IAH1: variants seen among roughly 807,000 people sequenced by gnomAD.
IAH1 encodes isoamyl acetate-hydrolyzing esterase 1 homolog.
A neutral mutation model predicts 26.7 loss-of-function variants in IAH1; 24 were observed. The ratio of observed to expected loss-of-function variants is 0.90; its 90% CI spans 0.65 to 1.26. The LOEUF (loss-of-function observed/expected upper bound fraction) is 1.26, where lower values mean the gene tolerates loss of function less well. Among genes scored for constraint, IAH1 ranks in the 50% most tolerant of loss-of-function variants. The pLI is 0.00. For missense variants in IAH1, 300 were observed against 299.9 expected (o/e 1.00, Z 0.00); for synonymous variants, 140 against 118.5 (o/e 1.18, Z -1.18).
rs988121316 is a variant in IAH1 at position 9,489,464 on chromosome 2, C to T, written c.*1135C>T. On this transcript the variant is annotated 3_prime_UTR_variant, in exon 6 of 6. Transcript: ENST00000497473. ...ACTTATAAAATACAGAAAAACTGCCCAGCAAATCAGGGCCCTAAACAGTTG... is the reference window on the plus strand; with the variant it reads ...ACTTATAAAATACAGAAAAACTGCCTAGCAAATCAGGGCCCTAAACAGTTG... 22 of 151,854 alleles carry T rather than the reference C, an allele frequency of 1.4e-4. No homozygotes were observed. The highest frequency in any genetic ancestry group is 5.3e-4 in the African/African-American group (22 of 41,330). 9.4% of individuals were successfully genotyped at this position (151,854 alleles called of 1,614,324 possible). A position where few individuals can be genotyped will look rare whatever the true frequency, so the allele number is the denominator to read the frequency against.
Position 9,488,301 on chromosome 2 carries a change from TAAGTCTGCTGGGAGATGG to T in IAH1, c.721_738del (p.Ser241_Gly246del), listed in dbSNP as rs1661747971. 6.2e-7 allele frequency: 1 copy of T among 1,610,368 alleles called. No individual in the cohort carries two copies. Among genetic ancestry groups the T allele is most frequent in the Admixed American group, 1.7e-5 (1 of 58,872 alleles). ...GATGTAGCAGAAGCAAAACCTGAAT[TAAGTCTGCTGGGAGATGG>T]AGACCATTAGCCAATCACAGGAGAC... On this transcript the variant is annotated inframe_deletion, in exon 6 of 6. Coordinates refer to ENST00000497473, the MANE Select transcript of IAH1 (RefSeq NM_001039613.3).
downstream of IAH1, chr2:9,497,133 C>T: frequency 6.2e-7 from 1 of 1,614,106 alleles, no homozygotes. Context: ...CACAGGACTC[C>T]AGCTGCTGTT....
intron 5 of IAH1, chr2:9,486,307 C>T (rs541337420): frequency 6.6e-6 from 1 of 152,246 alleles, no homozygotes; most frequent in East Asian, 1.9e-4. Context: ...TAGGAGGGGC[C>T]TTGGCAGCTT....
chr2:9,505,506 C>T, the IAH1 span: 3 of 784,634 alleles, frequency 3.8e-6, no homozygotes, highest in Non-Finnish European at 6.2e-6. Flanking sequence ...AAGGCCACCA[C>T]AGTCTCCTCC....
chr2:9,509,342 C>T, the IAH1 span, among the ~76,000 whole-genome samples: 3 of 152,216 alleles, frequency 2.0e-5, no homozygotes, highest in Admixed American at 6.5e-5. Flanking sequence ...GAGTTAGTCA[C>T]GGCACTCTTA....
Position 9,488,692 on chromosome 2 carries a change from A to G in IAH1, c.*363A>G, listed in dbSNP as rs1251. Reference sequence around the variant, plus strand: ...CCACTCAACCTTGTATCAAATTCCAAAAGTGTAACTAAAGTATAAGAATAT... The same window carrying G: ...CCACTCAACCTTGTATCAAATTCCAGAAGTGTAACTAAAGTATAAGAATAT... On this transcript the variant is annotated 3_prime_UTR_variant, in exon 6 of 6. Transcript: ENST00000497473. 2,161 of 161,400 alleles carry G rather than the reference A, an allele frequency of 0.013. 197 individuals are homozygous for G. The highest frequency in any genetic ancestry group is 0.13 in the Admixed American group (1,992 of 15,742). The allele number at this position is 161,400 out of a possible 1,614,324, so 10.0% of individuals were successfully genotyped here. A position where few individuals can be genotyped will look rare whatever the true frequency, so the allele number is the denominator to read the frequency against.
At chr2:9,497,142 T>C (rs768262672), downstream of IAH1, 6 of 1,614,160 alleles carry the variant, frequency 3.7e-6, no homozygotes, top group South Asian at 1.1e-5. Context: ...CCAGCTGCTG[T>C]TCCCTCTCGC....
intron 3 of IAH1, among the ~76,000 whole-genome samples, chr2:9,481,057 G>A (rs559775511): frequency 1.3e-5 from 2 of 152,288 alleles, no homozygotes; most frequent in East Asian, 1.9e-4. Context: ...TACTAGTGAC[G>A]AAAAGACAAG....
the IAH1 span, chr2:9,505,286 T>C: frequency 6.2e-7 from 1 of 1,614,204 alleles, no homozygotes; most frequent in East Asian, 2.2e-5. Flanking sequence ...ACAAACTTTA[T>C]TGCTGCGTTC....
At chr2:9,496,188 G>A (rs368960451) in intron 6 of IAH1, 1 of 152,180 alleles carries the variant, frequency 6.6e-6, no homozygotes, top group African/African-American at 2.4e-5. Flanking sequence ...GAGTGTAGCG[G>A]CGCAATCTCA....
In IAH1 at chr2:9,474,795, C is replaced by A. The variant is rs889387352; in HGVS notation, c.81+148C>A. 38 of 593,866 alleles carry A rather than the reference C, an allele frequency of 6.4e-5. No individual in the cohort carries two copies. The East Asian group carries it at 1.4e-3, about 22-fold the overall frequency. 36.8% of individuals were successfully genotyped at this position (593,866 alleles called of 1,614,324 possible). A position where few individuals can be genotyped will look rare whatever the true frequency, so the allele number is the denominator to read the frequency against. On this transcript the variant is annotated intron_variant, in intron 1 of 5. Coordinates refer to ENST00000497473, the MANE Select transcript of IAH1 (RefSeq NM_001039613.3). This position sits in a 1 kb window ranked among gnomAD's most constrained non-coding sequence, Gnocchi z 4.3. ...GCCCGTGGAGACACCGGAGGAGTGGCGGGTCCCCCAGTGGCTGCGCCTTCC... is the reference window on the plus strand; with the variant it reads ...GCCCGTGGAGACACCGGAGGAGTGGAGGGTCCCCCAGTGGCTGCGCCTTCC...
chr2:9,478,699 A>C (rs1217006029), intron 3 of IAH1, among the ~76,000 whole-genome samples: 1 of 152,192 alleles, frequency 6.6e-6, no homozygotes, highest in African/African-American at 2.4e-5. Flanking sequence ...TGTGGCTTGC[A>C]TCACACTGAT....
the IAH1 span, among the ~76,000 whole-genome samples, chr2:9,511,604 G>T: frequency 6.6e-6 from 1 of 152,302 alleles, no homozygotes; most frequent in Non-Finnish European, 1.5e-5. Context: ...CAGATTATCA[G>T]ATGATTTCTA....
chr2:9,509,189 A>G, the IAH1 span, among the ~76,000 whole-genome samples: 1 of 152,226 alleles, frequency 6.6e-6, no homozygotes, highest in Non-Finnish European at 1.5e-5. Context: ...GATTAGAATC[A>G]GACTCCTTTA....
At position 9,478,309 on chromosome 2, in the gene IAH1, C is replaced by A. The variant is rs1660947959; in HGVS notation, c.222C>A (p.Asn74Lys). Residue 74 changes from asparagine (N) to lysine (K), a missense_variant, in exon 3 of 6, where the codon AAC (asparagine) becomes AAA (lysine). Asn to Lys is a moderately conservative substitution (Grantham distance 94). Coordinates refer to ENST00000497473, the MANE Select transcript of IAH1 (RefSeq NM_001039613.3). Reference protein sequence around the residue: ...IILPRLIRKGNSLDIPVAVTI... With the variant: ...IILPRLIRKGKSLDIPVAVTI... Reference sequence around the variant, plus strand: ...TTCCAAGATTAATCAGGAAAGGAAACAGTTTGGACATCCCAGTAGCAGTTA... The same window carrying A: ...TTCCAAGATTAATCAGGAAAGGAAAAAGTTTGGACATCCCAGTAGCAGTTA... 6.2e-7 allele frequency: 1 copy of A among 1,613,304 alleles called. No homozygotes were observed. Among genetic ancestry groups the A allele is most frequent in the Non-Finnish European group, 8.5e-7 (1 of 1,179,520 alleles).
chr2:9,474,544 G>T, upstream of IAH1: 1 of 971,212 alleles, frequency 1.0e-6, no homozygotes, highest in South Asian at 1.6e-5. The surrounding 1 kb of genome is among the most constrained non-coding windows in gnomAD (Gnocchi z 4.3). Context: ...TGGCGGCCCC[G>T]CCCCGCCCCG....
chr2:9,490,379 C>T, downstream of IAH1: 1 of 1,614,184 alleles, frequency 6.2e-7, no homozygotes, highest in Non-Finnish European at 8.5e-7. Flanking sequence ...GGTGTCCATT[C>T]TCTGGTGGTC....
chr2:9,474,286 C>T (rs893301461), upstream of IAH1, among the ~76,000 whole-genome samples: 4 of 152,194 alleles, frequency 2.6e-5, no homozygotes, highest in Admixed American at 6.5e-5. The surrounding 1 kb of genome is among the most constrained non-coding windows in gnomAD (Gnocchi z 4.3). Context: ...CACCTGCGCC[C>T]GCGGAGCGCG....
At chr2:9,494,822 C>T in exon 6 of IAH1, 4 of 1,596,840 alleles carry the variant, frequency 2.5e-6, no homozygotes, top group Non-Finnish European at 3.4e-6. Flanking sequence ...TGCCTCTCCT[C>T]CTGCCTCCTC....
Sources: gnomAD v4.1 joint callset for allele counts (sites outside exome capture counted in the v4.1 genomes callset) on GRCh38, gnomAD v4.1.1 for gene constraint, Gnocchi (gnomAD v3.1) non-coding constraint, MANE v1.5 for transcripts, NCBI Gene and HGNC (gene_info 2026-07-23, HGNC 2026-07-21) for gene names.